The following WDPCP variants were observed in gnomAD, a reference collection of about 807,000 sequenced individuals.
WDPCP encodes the protein WD repeat containing planar cell polarity effector, also known as WD repeat-containing and planar cell polarity effector protein fritz homolog.
Under a neutral mutation model 93.1 loss-of-function variants are expected in WDPCP, and 71 were observed. The observed-to-expected ratio is 0.76, with a 90% CI of 0.63 to 0.93. The LOEUF (loss-of-function observed/expected upper bound fraction) is 0.93. Ranked by LOEUF, WDPCP falls within the 40% of genes least tolerant of loss-of-function variation. The pLI is 0.00. For missense variants in WDPCP, 844 were observed against 887.4 expected (o/e 0.95, Z 0.62); for synonymous variants, 315 against 315.0 (o/e 1.00, Z 0.00).
At chr2:63,574,270 G>C (rs756951265) in intron 1 of WDPCP, among the ~76,000 whole-genome samples, 1 of 151,986 alleles carries the variant, frequency 6.6e-6, no homozygotes, top group Non-Finnish European at 1.5e-5. Context: ...TGTCTCCCCC[G>C]GACACCCAGC....
In WDPCP at chr2:63,262,467, T is replaced by C. The variant is rs558788332; in HGVS notation, c.1813-3058A>G. Among the ~76,000 whole-genome samples, 5 of 148,262 alleles carry C rather than the reference T, an allele frequency of 3.4e-5. No homozygotes were observed. The East Asian group carries it at 5.9e-4, about 18-fold the overall frequency. ...CTTAAAATTAATAGGTCAAAACAAA[T>C]GGTCAAGAATATCTAAAACTTATTC... On this transcript the variant is annotated intron_variant, in intron 13 of 17. Transcript: ENST00000272321.
intron 1 of WDPCP, among the ~76,000 whole-genome samples, chr2:63,548,289 A>C (rs1705307768): frequency 6.6e-6 from 1 of 152,130 alleles, no homozygotes; most frequent in African/African-American, 2.4e-5. Context: ...AATATCAAGC[A>C]AAAAAGGCTT....
At chr2:63,287,294 C>CT (rs75306016) in intron 13 of WDPCP, among the ~76,000 whole-genome samples, 468 of 142,484 alleles carry the variant, frequency 3.3e-3, no homozygotes, top group Non-Finnish European at 5.1e-3. Context: ...ACCATCCATT[C>CT]TTTTTTTTTT....
chr2:63,778,977 G>A (rs752241510), intron 2 of WDPCP, among the ~76,000 whole-genome samples: 3 of 151,814 alleles, frequency 2.0e-5, no homozygotes, highest in Admixed American at 6.6e-5. Context: ...CTAGATTTTG[G>A]CATACATCCC....
At chr2:63,570,034 C>T (rs1310671953) in intron 1 of WDPCP, among the ~76,000 whole-genome samples, 1 of 152,142 alleles carries the variant, frequency 6.6e-6, no homozygotes, top group Admixed American at 6.5e-5. Context: ...CACCACTTAT[C>T]TCAATACTTA....
chr2:63,545,396 C>T (rs1451451527), intron 1 of WDPCP, among the ~76,000 whole-genome samples: 1 of 151,410 alleles, frequency 6.6e-6, no homozygotes, highest in Admixed American at 6.6e-5. Context: ...AAAAAAGAGA[C>T]AGATGAATGA....
intron 2 of WDPCP, among the ~76,000 whole-genome samples, chr2:63,803,505 T>C (rs1202799105): frequency 6.6e-6 from 1 of 152,146 alleles, no homozygotes; most frequent in Non-Finnish European, 1.5e-5. Context: ...TAACTTTGAG[T>C]AATGAGTTAC....
intron 9 of WDPCP, among the ~76,000 whole-genome samples, chr2:63,407,008 T>A (rs1694642817): frequency 6.6e-6 from 1 of 152,156 alleles, no homozygotes; most frequent in South Asian, 2.1e-4. Flanking sequence ...GGGGTAGCAC[T>A]TTCCACACAC....
chr2:63,366,225 G>A (rs879777819), intron 12 of WDPCP, among the ~76,000 whole-genome samples: 10 of 151,998 alleles, frequency 6.6e-5, no homozygotes, highest in Non-Finnish European at 1.0e-4. Flanking sequence ...CACCTTCAAG[G>A]GAGCAAAAGT....
Position 63,315,963 on chromosome 2 carries a change from A to T in WDPCP, c.1749-2652T>A, listed in dbSNP as rs192844525. On this transcript the variant is annotated intron_variant, in intron 12 of 17. Transcript: ENST00000272321. Reference sequence around the variant, plus strand: ...TTTTTTGTAGAAATGAGGTCTCATTATGTTGCCCAGGCTGGTTTTGAATCC... The same window carrying T: ...TTTTTTGTAGAAATGAGGTCTCATTTTGTTGCCCAGGCTGGTTTTGAATCC... Among the ~76,000 whole-genome samples the T allele has an allele frequency of 6.6e-5, 10 of 151,482 alleles. No homozygotes were observed. The East Asian group carries it at 1.8e-3, about 27-fold the overall frequency.
At chr2:63,218,117 A>C in intron 14 of WDPCP, among the ~76,000 whole-genome samples, 1 of 152,200 alleles carries the variant, frequency 6.6e-6, no homozygotes, top group South Asian at 2.1e-4. Flanking sequence ...TAAAACCTTT[A>C]ATACTTATCT....
chr2:63,496,527 C>A (rs1701232387), intron 1 of WDPCP, among the ~76,000 whole-genome samples: 1 of 152,144 alleles, frequency 6.6e-6, no homozygotes, highest in Admixed American at 6.5e-5. Flanking sequence ...AGCCAAGAGT[C>A]AAACCATTAA....
At chr2:63,531,581 G>C (rs1703853981) in intron 1 of WDPCP, among the ~76,000 whole-genome samples, 1 of 152,208 alleles carries the variant, frequency 6.6e-6, no homozygotes, top group African/African-American at 2.4e-5. Context: ...ACAGGGTCTG[G>C]AGTGGACCTC....
chr2:63,597,181 T>TTATTGAAAC, intron 3 of WDPCP: 7 of 636,078 alleles, frequency 1.1e-5, no homozygotes, highest in Non-Finnish European at 1.4e-5. Context: ...ATTTAAGTAA[T>TTATTGAAAC]TATTGAAACA....
chr2:63,538,474 A>T (rs1274661102), intron 1 of WDPCP, among the ~76,000 whole-genome samples: 2 of 152,296 alleles, frequency 1.3e-5, no homozygotes, highest in Admixed American at 1.3e-4. Flanking sequence ...TAATAAAAAA[A>T]TTGCCTTTGA....
chr2:63,726,507 T>A (rs1203849300), intron 2 of WDPCP, among the ~76,000 whole-genome samples: 1 of 152,214 alleles, frequency 6.6e-6, no homozygotes, highest in Non-Finnish European at 1.5e-5. Context: ...TTCTTTTTGC[T>A]TAGGATTGCC....
upstream of WDPCP, chr2:63,588,878 C>A: frequency 2.3e-6 from 2 of 857,526 alleles, no homozygotes; most frequent in South Asian, 1.5e-5. Flanking sequence ...GATTGCGCCA[C>A]AACCAGGGCA....
intron 8 of WDPCP, among the ~76,000 whole-genome samples, chr2:63,436,618 T>C (rs896330235): frequency 5.3e-5 from 8 of 152,064 alleles, no homozygotes; most frequent in African/African-American, 1.7e-4. Context: ...AAGGAAGCTG[T>C]ATATCAGCTC....
intron 9 of WDPCP, among the ~76,000 whole-genome samples, chr2:63,420,365 A>AAAAAAAC (rs1364240293): frequency 1.4e-5 from 2 of 143,760 alleles, no homozygotes; most frequent in African/African-American, 5.8e-5. Context: ...TTTACTTAAA[A>AAAAAAAC]AAAAAAAAAA....
Sources: gnomAD v4.1 joint callset for allele counts (sites outside exome capture counted in the v4.1 genomes callset) on GRCh38, gnomAD v4.1.1 for gene constraint, MANE v1.5 for transcripts, NCBI Gene and HGNC (gene_info 2026-07-23, HGNC 2026-07-21) for gene names.